IL32: variants seen among roughly 807,000 people sequenced by gnomAD.
IL32 encodes the protein interleukin 32, also known as interleukin-32.
Under a neutral mutation model 16.6 loss-of-function variants are expected in IL32, and 30 were observed. The observed-to-expected ratio is 1.81, with a 90% CI of 1.35 to 2.45. The LOEUF (loss-of-function observed/expected upper bound fraction) is 2.45. Among genes scored for constraint, IL32 ranks in the 30% most tolerant of loss-of-function variants. IL32 has a pLI of 0.00. For missense variants in IL32, 234 were observed against 229.8 expected (o/e 1.02, Z -0.12); for synonymous variants, 70 against 86.1 (o/e 0.81, Z 1.03).
In IL32 at chr16:3,065,783, G is replaced by T; in HGVS notation, c.-28-1G>T. The T allele has an allele frequency of 6.2e-7, 1 of 1,614,136 alleles. No individual in the cohort carries two copies. The highest frequency in any genetic ancestry group is 1.3e-5 in the African/African-American group (1 of 75,046). Reference sequence around the variant, plus strand: ...TCCTCACACCTGTTCCTCGCCAGCAGGCCTTGGCTCCTTGAACTTTTGGCC... The same window carrying T: ...TCCTCACACCTGTTCCTCGCCAGCATGCCTTGGCTCCTTGAACTTTTGGCC... On this transcript the variant is annotated splice_acceptor_variant, in intron 1 of 6. Transcript: ENST00000525643. LOFTEE classifies it low-confidence loss of function (5UTR_SPLICE).
chr16:3,068,793 T>C, intron 6 of IL32, 197 bp from the exon 7 acceptor site: 1 of 835,974 alleles, frequency 1.2e-6, no homozygotes, highest in Non-Finnish European at 1.8e-6. Flanking sequence ...ACCCATCCTG[T>C]CACTGCCATG....
Position 3,069,302 on chromosome 16 carries a change from G to C in IL32, c.514G>C (p.Asp172His), listed in dbSNP as rs141220342. The C allele has an allele frequency of 9.3e-6, 15 of 1,613,748 alleles. No homozygotes were observed. The Admixed American group carries it at 2.3e-4, about 25-fold the overall frequency. Residue 172 changes from aspartate to histidine, a missense_variant, in exon 7 of 7, where the codon GAC becomes CAC. Transcript: ENST00000525643. ...CCAGTCCTACGGAGCCCCACGGGGG[G>C]ACAAGGAGGAGCTGACACCCCAGAA... ...SFQSYGAPRG[D>H]KEELTPQKCS... is the part of the protein sequence containing the mutation.
chr16:3,066,466 A>G (rs1031762950), intron 2 of IL32, among the ~76,000 whole-genome samples: 1 of 152,186 alleles, frequency 6.6e-6, no homozygotes, highest in African/African-American at 2.4e-5. Context: ...CCTGCCCAGA[A>G]TATGTCCCCA....
In IL32 at chr16:3,067,277, G is replaced by T. The variant is rs537354219; in HGVS notation, c.16-100G>T. The T allele has an allele frequency of 1.4e-5, 4 of 283,428 alleles. No individual in the cohort carries two copies. In the East Asian group the frequency reaches 1.9e-4, roughly 13 times the overall value. 17.6% of individuals were successfully genotyped at this position (283,428 alleles called of 1,614,324 possible). ...GTACCTCTGCCATGTGTCTCTGTGT[G>T]TGTGTGTGTGTGTGTGTGTGTGTGT... On this transcript the variant is annotated intron_variant, in intron 2 of 6. Coordinates refer to ENST00000525643, the MANE Select transcript of IL32 (RefSeq NM_001376923.1).
In IL32 at chr16:3,067,357, T is replaced by A; in HGVS notation, c.16-20T>A. 6.9e-7 allele frequency: 1 copy of A among 1,452,044 alleles called. No homozygotes were observed. The highest frequency in any genetic ancestry group is 9.4e-7 in the Non-Finnish European group (1 of 1,069,076). The allele number at this position is 1,452,044 out of a possible 1,614,324, so 89.9% of individuals were successfully genotyped here. A position where few individuals can be genotyped will look rare whatever the true frequency, so the allele number is the denominator to read the frequency against. On this transcript the variant is annotated intron_variant, in intron 2 of 6. Transcript: ENST00000525643. ...GTTAAGGTGACACATGGAGACTGAGTGTCACCGTTATTTCCGCAGGTCCTC... is the reference window on the plus strand; with the variant it reads ...GTTAAGGTGACACATGGAGACTGAGAGTCACCGTTATTTCCGCAGGTCCTC...
In IL32 at chr16:3,067,932, G is replaced by T; in HGVS notation, c.115-52G>T. 1.9e-6 allele frequency: 3 copies of T among 1,604,512 alleles called. No individual in the cohort carries two copies. In the Admixed American group the frequency reaches 5.0e-5, roughly 27 times the overall value. On this transcript the variant is annotated intron_variant, in intron 4 of 6. Transcript: ENST00000525643. ...TCACTGGGCTTGAGGACTGACTGAT[G>T]TGGGGTGCAGAGGAGGCTTGGGCCT...
chr16:3,067,876 G>GACT, intron 4 of IL32, 108 bp from the exon 5 acceptor site: 1 of 1,348,180 alleles, frequency 7.4e-7, no homozygotes, highest in Non-Finnish European at 1.1e-6. Flanking sequence ...CCCTGGCTGG[G>GACT]CCCAGTTCGG....
chr16:3,067,303 GTGTGTGTA>G, intron 2 of IL32, 66 bp from the exon 3 acceptor site: 3 of 726,276 alleles, frequency 4.1e-6, no homozygotes, highest in South Asian at 1.7e-5. Context: ...GTGTGTGTGT[GTGTGTGTA>G]TAAATTATCC....
intron 2 of IL32, among the ~76,000 whole-genome samples, chr16:3,066,973 G>GGGCC (rs1567140578): frequency 7.3e-5 from 8 of 109,416 alleles, no homozygotes; most frequent in South Asian, 3.8e-4. Context: ...CCCTGCTCTT[G>GGGCC]TGAGGAGGGG....
intron 2 of IL32, among the ~76,000 whole-genome samples, chr16:3,066,115 G>A (rs561942890): frequency 6.6e-6 from 1 of 152,182 alleles, no homozygotes; most frequent in Non-Finnish European, 1.5e-5. Flanking sequence ...TGCTGGAAAC[G>A]ACTCGGAGAA....
chr16:3,068,119 G>C (rs945252337), intron 5 of IL32, 61 bp from the exon 6 acceptor site: 2 of 1,601,868 alleles, frequency 1.2e-6, no homozygotes, highest in East Asian at 2.2e-5. Context: ...ACCAGTGGGG[G>C]CCACAGTGGG....
intron 2 of IL32, among the ~76,000 whole-genome samples, chr16:3,066,191 C>T (rs895495207): frequency 6.6e-6 from 1 of 152,094 alleles, no homozygotes; most frequent in Non-Finnish European, 1.5e-5. Context: ...GTCCTGGTGT[C>T]TCTTCCTCCT....
rs1018972379 is a variant in IL32, at chr16:3,067,431, A to G, written c.54+16A>G. 1.9e-6 allele frequency: 3 copies of G among 1,603,596 alleles called. No individual in the cohort carries two copies. In the African/African-American group the frequency reaches 4.0e-5, roughly 22 times the overall value. ...GGCCCGAATGGTAATGCTCCTCCCT[A>G]CTTCTGCTCAGGGGTTGGGGGCCTG... On this transcript the variant is annotated intron_variant, in intron 3 of 6. Coordinates refer to ENST00000525643, the MANE Select transcript of IL32 (RefSeq NM_001376923.1).
At chr16:3,068,638 G>C (rs1160275786) in intron 6 of IL32, 1 of 421,702 alleles carries the variant, frequency 2.4e-6, no homozygotes, top group Admixed American at 3.6e-5. Context: ...GATGTGGTGT[G>C]GGCAGGGTGT....
rs1555442464 is a variant in IL32 at position 3,067,269 on chromosome 16, C to CTGTG, written c.16-107_16-106insGTGT. The CTGTG allele has an allele frequency of 5.6e-5, 22 of 391,388 alleles. No homozygotes were observed. The South Asian group carries it at 7.5e-4, about 13-fold the overall frequency. 24.2% of individuals were successfully genotyped at this position (391,388 alleles called of 1,614,324 possible). On this transcript the variant is annotated intron_variant, in intron 2 of 6. Transcript: ENST00000525643. ...CTTATCCTGTACCTCTGCCATGTGT[C>CTGTG]TCTGTGTGTGTGTGTGTGTGTGTGT...
Position 3,067,737 on chromosome 16 carries a change from G to A in IL32, c.114+124G>A, listed in dbSNP as rs73490429. The stretch of plus-strand genomic sequence containing the variant: ...CAGGCTCCCTCACCCCTTACCGTGG[G>A]CAAATGCTTGCACCTGGGTGGCAGT... On this transcript the variant is annotated intron_variant, in intron 4 of 6. Transcript: ENST00000525643. 3.5e-3 allele frequency: 3,111 copies of A among 886,168 alleles called. 65 individuals are homozygous for A. The African/African-American group carries it at 0.044, about 12-fold the overall frequency. The allele number at this position is 886,168 out of a possible 1,614,324, so 54.9% of individuals were successfully genotyped here. A position where few individuals can be genotyped will look rare whatever the true frequency, so the allele number is the denominator to read the frequency against.
At chr16:3,067,283 GTGTGTGTGTGTGTGT>G (rs1394445253) in intron 2 of IL32, 79 bp from the exon 3 acceptor site, 46 of 535,104 alleles carry the variant, frequency 8.6e-5, no homozygotes, top group Middle Eastern at 9.1e-4. Context: ...GTGTGTGTGT[GTGTGTGTGTGTGTGT>G]GTGTGTGTGT....
At chr16:3,065,503 C>T (rs1596232498), upstream of IL32, 3 of 524,976 alleles carry the variant, frequency 5.7e-6, no homozygotes, top group East Asian at 1.0e-4. Flanking sequence ...GGGTAAGTCT[C>T]CATCTCTGTC....
intron 6 of IL32, 72 bp downstream of exon 6, chr16:3,068,311 T>G: frequency 1.5e-6 from 2 of 1,370,888 alleles, no homozygotes; most frequent in Non-Finnish European, 2.0e-6. Flanking sequence ...TCTTTCTTTC[T>G]TTTTGTTTAT....
Sources: allele counts gnomAD v4.1 joint callset (sites outside exome capture counted in the v4.1 genomes callset), GRCh38; gene constraint gnomAD v4.1.1; transcripts MANE v1.5; gene names NCBI Gene and HGNC (gene_info 2026-07-23, HGNC 2026-07-21).